The following THEM4 variants were observed in gnomAD, a reference collection of about 807,000 sequenced individuals.
THEM4 encodes acyl-coenzyme A thioesterase THEM4.
THEM4 carries 22 observed loss-of-function variants against 25.0 expected under a neutral mutation model. The ratio of observed to expected loss-of-function variants is 0.88; its 90% CI spans 0.63 to 1.26. THEM4 has a LOEUF of 1.26. Among genes scored for constraint, THEM4 ranks in the 50% most tolerant of loss-of-function variants. THEM4 has a pLI of 0.00. For missense variants in THEM4, 286 were observed against 300.3 expected (o/e 0.95, Z 0.35); for synonymous variants, 113 against 105.6 (o/e 1.07, Z -0.43).
At position 151,903,590 on chromosome 1, in the gene THEM4, C is replaced by T. The variant is rs76940273; in HGVS notation, c.99+5770G>A. ...TGGATTATTTCCTTAGAATCCAGTC[C>T]TGATTATGTAACTTTTAAAGGACAT... On this transcript the variant is annotated intron_variant, in intron 1 of 5. Coordinates refer to ENST00000368814, the MANE Select transcript of THEM4 (RefSeq NM_053055.5). Among the ~76,000 whole-genome samples the T allele has an allele frequency of 4.7e-3, 723 of 152,246 alleles. 4 individuals carry two copies. Among genetic ancestry groups the T allele is most frequent in the South Asian group, 6.8e-3 (33 of 4,824 alleles).
At chr1:151,879,522 T>C (rs1364124496) in intron 4 of THEM4, among the ~76,000 whole-genome samples, 7 of 152,078 alleles carry the variant, frequency 4.6e-5, no homozygotes, top group Admixed American at 2.6e-4. Flanking sequence ...CATGATCAAT[T>C]TTTGCAAATG....
chr1:151,906,669 T>C (rs1654475904), intron 1 of THEM4, among the ~76,000 whole-genome samples: 1 of 152,228 alleles, frequency 6.6e-6, no homozygotes, highest in Non-Finnish European at 1.5e-5. Flanking sequence ...ATCGGCACTC[T>C]GTATCTAGCT....
Position 151,886,645 on chromosome 1 carries a change from A to G in THEM4, c.557+1628T>C, listed in dbSNP as rs146677457. On this transcript the variant is annotated intron_variant, in intron 4 of 5. Transcript: ENST00000368814. ...AAATATGTCAACTTTCCCCAAATTA[A>G]TCTCTAGAATCAATGTAATTGCTAT... Among the ~76,000 whole-genome samples the G allele has an allele frequency of 4.7e-3, 720 of 152,304 alleles. 4 individuals carry two copies. Among genetic ancestry groups the G allele is most frequent in the South Asian group, 6.8e-3 (33 of 4,828 alleles).
intron 1 of THEM4, among the ~76,000 whole-genome samples, chr1:151,904,966 G>A (rs1434782137): frequency 1.3e-5 from 2 of 152,096 alleles, no homozygotes; most frequent in Non-Finnish European, 2.9e-5. Flanking sequence ...AAATAATAAA[G>A]GTTTCAGTTC....
rs202217862 is a variant in THEM4 at position 151,876,984 on chromosome 1, T to C, written c.682+17A>G. On this transcript the variant is annotated intron_variant, in intron 5 of 5. Transcript: ENST00000368814. The stretch of plus-strand genomic sequence containing the variant: ...ACCCAACTAAACCCCAAGAAAGAGA[T>C]AAGACCAGCTTCTTACTTGTCGCCT... 4 of 1,595,668 alleles carry C rather than the reference T, an allele frequency of 2.5e-6. No individual in the cohort carries two copies. The highest frequency in any genetic ancestry group is 3.4e-6 in the Non-Finnish European group (4 of 1,174,240).
In THEM4 at chr1:151,894,998, C is replaced by A. The variant is rs779640682; in HGVS notation, c.286+10G>T. 71 of 1,613,596 alleles carry A rather than the reference C, an allele frequency of 4.4e-5. No homozygotes were observed. Among genetic ancestry groups the A allele is most frequent in the Non-Finnish European group, 5.8e-5 (69 of 1,179,730 alleles). On this transcript the variant is annotated intron_variant, in intron 2 of 5. Coordinates refer to ENST00000368814, the MANE Select transcript of THEM4 (RefSeq NM_053055.5). ...CTCAGATATATTAATGGGAAAGTGG[C>A]TGTTTCTACCAAGAAAATGGGTTTT...
At chr1:151,907,978 G>A (rs1654508999) in intron 1 of THEM4, among the ~76,000 whole-genome samples, 1 of 152,176 alleles carries the variant, frequency 6.6e-6, no homozygotes, top group South Asian at 2.1e-4. Context: ...ATGGCTGGCT[G>A]GCGTTCCCTA....
chr1:151,888,161 T>C, intron 4 of THEM4, 112 bp downstream of exon 4: 1 of 762,678 alleles, frequency 1.3e-6, no homozygotes, highest in Non-Finnish European at 2.1e-6. Context: ...TAGTCTCCTC[T>C]GGGAGCACTT....
chr1:151,888,282 T>C lies in THEM4; in HGVS notation c.548A>G (p.Asn183Ser), dbSNP rs750176183. 10 of 1,611,922 alleles carry C rather than the reference T, an allele frequency of 6.2e-6. No individual in the cohort carries two copies. Among genetic ancestry groups the C allele is most frequent in the East Asian group, 4.5e-5 (2 of 44,834 alleles). ...GIVMTANLNI[N>S]YKRPIPLCSV... is the part of the protein sequence containing the mutation. Reference sequence around the variant, plus strand: ...ATTACTGTGAATTTACCTTTTATAATTGATGTTGAGATTGGCAGTCATGAC... The same window carrying C: ...ATTACTGTGAATTTACCTTTTATAACTGATGTTGAGATTGGCAGTCATGAC... The change falls in exon 4 of 6, where the codon AAT (asparagine) becomes AGT (serine). Residue 183 changes from asparagine (N) to serine (S), a missense_variant. Asn to Ser is a conservative substitution (Grantham distance 46, BLOSUM62 1). Coordinates refer to ENST00000368814, the MANE Select transcript of THEM4 (RefSeq NM_053055.5).
intron 1 of THEM4, among the ~76,000 whole-genome samples, chr1:151,903,615 T>C (rs1654398701): frequency 6.6e-6 from 1 of 152,234 alleles, no homozygotes; most frequent in Non-Finnish European, 1.5e-5. Flanking sequence ...TTAAAGGACA[T>C]GAATCTAGAA....
rs550234787 is a variant in THEM4, at chr1:151,879,903, A to G, written c.558-2778T>C. Among the ~76,000 whole-genome samples, 3 of 151,492 alleles carry G rather than the reference A, an allele frequency of 2.0e-5. No individual in the cohort carries two copies. In the South Asian group the frequency reaches 6.3e-4, roughly 32 times the overall value. ...AATCTCCTGACCTCATGATCCACCCACCTTGGCCTCCCAAGGTGCTGAGAT... is the reference window on the plus strand; with the variant it reads ...AATCTCCTGACCTCATGATCCACCCGCCTTGGCCTCCCAAGGTGCTGAGAT... On this transcript the variant is annotated intron_variant, in intron 4 of 5. Coordinates refer to ENST00000368814, the MANE Select transcript of THEM4 (RefSeq NM_053055.5).
chr1:151,896,717 A>T (rs532320588), intron 1 of THEM4, among the ~76,000 whole-genome samples: 40 of 152,336 alleles, frequency 2.6e-4, no homozygotes, highest in African/African-American at 9.6e-4. Flanking sequence ...ATAATATAAA[A>T]GATAGTGGGA....
chr1:151,871,325 G>C lies in THEM4; in HGVS notation c.*3563C>G, dbSNP rs1245491450. On this transcript the variant is annotated 3_prime_UTR_variant, in exon 6 of 6. Coordinates refer to ENST00000368814, the MANE Select transcript of THEM4 (RefSeq NM_053055.5). Reference sequence around the variant, plus strand: ...AGGCGACAGAGCCAGACCCTGTCTTGAAAAAAAAAAAAAAAAAAGAAAAAG... The same window carrying C: ...AGGCGACAGAGCCAGACCCTGTCTTCAAAAAAAAAAAAAAAAAAGAAAAAG... 1.6e-5 allele frequency among the ~76,000 whole-genome samples: 2 copies of C among 123,732 alleles called. No individual in the cohort carries two copies. The highest frequency in any genetic ancestry group is 6.2e-5 in the African/African-American group (2 of 32,428). 81.2% of individuals were successfully genotyped at this position (123,732 alleles called of 152,430 possible).
intron 3 of THEM4, 46 bp downstream of exon 3, chr1:151,889,168 A>C: frequency 6.4e-7 from 1 of 1,571,178 alleles, no homozygotes; most frequent in South Asian, 1.1e-5. Context: ...GGGGCAGTGT[A>C]AGATAAAAAT....
chr1:151,896,900 AC>A (rs1654237943), intron 1 of THEM4, among the ~76,000 whole-genome samples: 1 of 152,224 alleles, frequency 6.6e-6, no homozygotes, highest in Admixed American at 6.5e-5. Context: ...GAGGTGAATG[AC>A]AGAGCCAATT....
chr1:151,882,098 C>T (rs182950903), intron 4 of THEM4, among the ~76,000 whole-genome samples: 1 of 152,122 alleles, frequency 6.6e-6, no homozygotes, highest in African/African-American at 2.4e-5. Context: ...TTCATTTAGG[C>T]CGGGCATGGT....
At chr1:151,904,461 C>T (rs1186951141) in intron 1 of THEM4, among the ~76,000 whole-genome samples, 5 of 152,154 alleles carry the variant, frequency 3.3e-5, no homozygotes, top group South Asian at 4.1e-4. Flanking sequence ...AAAGAAGTGG[C>T]GTCTTTAAAG....
intron 4 of THEM4, among the ~76,000 whole-genome samples, chr1:151,881,229 G>A (rs576433183): frequency 4.6e-5 from 7 of 152,100 alleles, no homozygotes; most frequent in East Asian, 1.9e-4. Context: ...GTGCAGTGGC[G>A]CAATCATAGC....
Position 151,872,656 on chromosome 1 carries a change from CAT to C in THEM4, c.*2230_*2231del, listed in dbSNP as rs1335505708. 1.3e-5 allele frequency among the ~76,000 whole-genome samples: 2 copies of C among 152,180 alleles called. No individual in the cohort carries two copies. Among genetic ancestry groups the C allele is most frequent in the East Asian group, 3.8e-4 (2 of 5,198 alleles). On this transcript the variant is annotated 3_prime_UTR_variant, in exon 6 of 6. Transcript: ENST00000368814. The stretch of plus-strand genomic sequence containing the variant: ...AGCCCCAACCCTGTGCTTACAGAAA[CAT>C]GTGCTGTATGGAATCAAGGTTTAAG...
Sources: allele counts gnomAD v4.1 joint callset (sites outside exome capture counted in the v4.1 genomes callset), GRCh38; gene constraint gnomAD v4.1.1; transcripts MANE v1.5; gene names NCBI Gene and HGNC (gene_info 2026-07-23, HGNC 2026-07-21).